Variants in ZNF423 observed in about 807,000 individuals in gnomAD.
ZNF423 encodes the protein zinc finger protein 423, also known as Ebf-associated zinc finger protein.
In ZNF423, 12 loss-of-function variants were observed where a neutral mutation model predicts 95.8. The observed-to-expected ratio is 0.13, with a 90% CI of 0.08 to 0.20. The LOEUF (loss-of-function observed/expected upper bound fraction) is 0.20. ZNF423 is among the 10% of genes least tolerant of loss of function. ZNF423 has a pLI of 1.00. For missense variants in ZNF423, 1,316 were observed against 1,737.1 expected (o/e 0.76, Z 4.31); for synonymous variants, 749 against 711.9 (o/e 1.05, Z -0.83).
chr16:49,525,025 C>T (rs1029938003), intron 6 of ZNF423, among the ~76,000 whole-genome samples: 1 of 152,210 alleles, frequency 6.6e-6, no homozygotes, highest in African/African-American at 2.4e-5. Flanking sequence ...CTCGGGGAGA[C>T]AAACACAGGG....
intron 3 of ZNF423, among the ~76,000 whole-genome samples, chr16:49,694,083 C>G (rs1223129324): frequency 6.6e-6 from 1 of 152,240 alleles, no homozygotes; most frequent in Non-Finnish European, 1.5e-5. Flanking sequence ...CTCAGTCTGT[C>G]TAACGAGGTT....
At chr16:49,531,281 C>T (rs528498543) in intron 5 of ZNF423, among the ~76,000 whole-genome samples, 5 of 151,526 alleles carry the variant, frequency 3.3e-5, no homozygotes, top group East Asian at 1.9e-4. Context: ...CTGCGGCCTG[C>T]GCATCTAGTA....
intron 3 of ZNF423, among the ~76,000 whole-genome samples, chr16:49,646,557 C>T (rs1490286215): frequency 7.4e-6 from 1 of 134,990 alleles, no homozygotes; most frequent in African/African-American, 2.7e-5. Context: ...GTTTATGGCA[C>T]ATTTTCTTTT....
intron 4 of ZNF423, among the ~76,000 whole-genome samples, chr16:49,634,032 G>C (rs1972595321): frequency 6.6e-6 from 1 of 151,632 alleles, no homozygotes. Flanking sequence ...TCAGCCTCGT[G>C]AGTATCTGGG....
chr16:49,771,179 CTTTTTTTTTTTTCTT>C (rs1315654706), intron 2 of ZNF423, among the ~76,000 whole-genome samples: 1 of 121,256 alleles, frequency 8.2e-6, no homozygotes, highest in African/African-American at 3.0e-5. Flanking sequence ...TCTTGAATTT[CTTTTTTTTTTTTCTT>C]TTTTTTTTTT....
intron 5 of ZNF423, among the ~76,000 whole-genome samples, chr16:49,551,539 C>G (rs1031095212): frequency 2.6e-5 from 4 of 152,178 alleles, no homozygotes; most frequent in Non-Finnish European, 5.9e-5. Flanking sequence ...CAGGAGGTCC[C>G]GAGGCCAAAC....
At chr16:49,837,402 T>G (rs2035132453) in intron 1 of ZNF423, among the ~76,000 whole-genome samples, 1 of 152,062 alleles carries the variant, frequency 6.6e-6, no homozygotes, top group Non-Finnish European at 1.5e-5. Flanking sequence ...AACTTGGAGG[T>G]GCCTGTGAGA....
intron 1 of ZNF423, among the ~76,000 whole-genome samples, chr16:49,796,399 G>T (rs1431064858): frequency 6.6e-6 from 1 of 152,222 alleles, no homozygotes; most frequent in Non-Finnish European, 1.5e-5. Flanking sequence ...CCACCCAGAG[G>T]GCTCCCCAAC....
At chr16:49,711,104 G>T (rs371542989) in intron 3 of ZNF423, among the ~76,000 whole-genome samples, 5 of 152,166 alleles carry the variant, frequency 3.3e-5, no homozygotes, top group African/African-American at 1.2e-4. Context: ...GAATGAGAGG[G>T]GTGGAATGGG....
intron 5 of ZNF423, among the ~76,000 whole-genome samples, chr16:49,616,726 C>T (rs905079319): frequency 7.2e-5 from 11 of 152,162 alleles, no homozygotes; most frequent in African/African-American, 2.4e-4. Context: ...GGCCCAGCCC[C>T]TTGGAGTCTT....
In ZNF423 at chr16:49,738,518, G is replaced by A. The variant is rs376089087; in HGVS notation, c.101-7547C>T. ...CTCTCCAACCTCACAGTGGGGAGGCGGGGCTCACCTGAATGCATGGCCACT... is the reference window on the plus strand; with the variant it reads ...CTCTCCAACCTCACAGTGGGGAGGCAGGGCTCACCTGAATGCATGGCCACT... On this transcript the variant is annotated intron_variant, in intron 2 of 7. Transcript: ENST00000563137. Among the ~76,000 whole-genome samples, 436 of 152,228 alleles carry A rather than the reference G, an allele frequency of 2.9e-3. 21 individuals are homozygous for A. The South Asian group carries it at 0.084, about 29-fold the overall frequency.
chr16:49,819,428 T>C (rs2034906564), intron 1 of ZNF423, among the ~76,000 whole-genome samples: 1 of 151,990 alleles, frequency 6.6e-6, no homozygotes, highest in Non-Finnish European at 1.5e-5. Context: ...ATGTTACTGT[T>C]AGTAATCATA....
In ZNF423 at chr16:49,833,062, C is replaced by T. The variant is rs189632798; in HGVS notation, c.40+22673G>A. Reference sequence around the variant, plus strand: ...TGGAAGGGCAACATAAAGGAGTGGGCGCTCAGGTGAGCAACCCTCCTCCTC... The same window carrying T: ...TGGAAGGGCAACATAAAGGAGTGGGTGCTCAGGTGAGCAACCCTCCTCCTC... On this transcript the variant is annotated intron_variant, in intron 1 of 7. Coordinates refer to ENST00000563137, the MANE Select transcript of ZNF423 (RefSeq NM_001379286.1). 1.2e-4 allele frequency among the ~76,000 whole-genome samples: 18 copies of T among 152,344 alleles called. No homozygotes were observed. The East Asian group carries it at 2.1e-3, about 18-fold the overall frequency.
At chr16:49,493,114 G>A (rs1967039292) in intron 7 of ZNF423, among the ~76,000 whole-genome samples, 1 of 152,082 alleles carries the variant, frequency 6.6e-6, no homozygotes, top group South Asian at 2.1e-4. Flanking sequence ...GCACCCTCCA[G>A]CCGTGGCACC....
chr16:49,497,603 G>A (rs934737923), intron 7 of ZNF423, among the ~76,000 whole-genome samples: 4 of 152,134 alleles, frequency 2.6e-5, no homozygotes, highest in East Asian at 1.9e-4. Context: ...TGTGATTTCC[G>A]GTTGGGAAAG....
At position 49,542,450 on chromosome 16, in the gene ZNF423, T is replaced by G. The variant is rs147370635; in HGVS notation, c.3602-16956A>C. Among the ~76,000 whole-genome samples the G allele has an allele frequency of 1.7e-4, 26 of 152,340 alleles. No individual in the cohort carries two copies. In the East Asian group the frequency reaches 4.8e-3, roughly 28 times the overall value. On this transcript the variant is annotated intron_variant, in intron 5 of 7. Transcript: ENST00000563137. ...AATGCACCTGCTGGGCTGGTCCCTATGGATGGCCCTGAAAAGATGTGAGTC... is the reference window on the plus strand; with the variant it reads ...AATGCACCTGCTGGGCTGGTCCCTAGGGATGGCCCTGAAAAGATGTGAGTC...
intron 3 of ZNF423, among the ~76,000 whole-genome samples, chr16:49,659,263 T>C (rs761469416): frequency 1.2e-4 from 19 of 152,160 alleles, no homozygotes; most frequent in Non-Finnish European, 2.2e-4. Flanking sequence ...ATTTTTTATA[T>C]TTTTTTGTAG....
intron 2 of ZNF423, among the ~76,000 whole-genome samples, chr16:49,778,924 T>C (rs1451098574): frequency 6.6e-6 from 1 of 152,200 alleles, no homozygotes; most frequent in African/African-American, 2.4e-5. Context: ...CCTTAGGAAG[T>C]AGAATTATTA....
chr16:49,675,841 C>T (rs1024223516), intron 3 of ZNF423, among the ~76,000 whole-genome samples: 11 of 152,154 alleles, frequency 7.2e-5, no homozygotes, highest in South Asian at 2.1e-4. Flanking sequence ...CACCTACACA[C>T]GAGCCTGTGT....
Sources: gnomAD v4.1 joint callset for allele counts (sites outside exome capture counted in the v4.1 genomes callset) on GRCh38, gnomAD v4.1.1 for gene constraint, MANE v1.5 for transcripts, NCBI Gene and HGNC (gene_info 2026-07-23, HGNC 2026-07-21) for gene names.